The following SERHL2 variants were observed in gnomAD, a reference collection of about 807,000 sequenced individuals.
SERHL2 encodes the protein serine hydrolase-like protein 2.
SERHL2 carries 29 observed loss-of-function variants against 25.5 expected under a neutral mutation model. That is an observed-to-expected ratio of 1.14 (90% CI 0.85 to 1.55). The LOEUF is 1.55. SERHL2 is among the 40% of genes most tolerant of loss of function. The pLI, the probability that SERHL2 is intolerant of heterozygous loss-of-function variation, is 0.00. For missense variants in SERHL2, 240 were observed against 252.3 expected, an observed-to-expected ratio of 0.95 and a Z score of 0.33; for synonymous variants, 95 against 103.5, an observed-to-expected ratio of 0.92 and a Z score of 0.50.
At position 42,573,780 on chromosome 22, in the gene SERHL2, G is replaced by T. The variant is rs1299054889; in HGVS notation, c.826-156G>T. 4.0e-6 allele frequency: 3 copies of T among 757,196 alleles called. No homozygotes were observed. The African/African-American group carries it at 5.3e-5, about 13-fold the overall frequency. 46.9% of individuals were successfully genotyped at this position (757,196 alleles called of 1,614,324 possible). On this transcript the variant is annotated intron_variant, in intron 11 of 11. Transcript: ENST00000327678. ...CTCCTGGGGTGCTATGGACTGTCGG[G>T]GCTCCAAGGAGCCGAGTGTGGGGGA...
At chr22:42,570,733 C>T (rs1356716432) in intron 9 of SERHL2, among the ~76,000 whole-genome samples, 3 of 152,232 alleles carry the variant, frequency 2.0e-5, no homozygotes, top group African/African-American at 7.2e-5. Context: ...CAGGGGACAG[C>T]GTGAGGTGCA....
chr22:42,569,197 A>G (rs1356152924), intron 9 of SERHL2: 1 of 151,592 alleles, frequency 6.6e-6, no homozygotes. Context: ...GGCCACGCTA[A>G]TCATCTCTTT....
chr22:42,562,449 T>G (rs1271793583), intron 8 of SERHL2, among the ~76,000 whole-genome samples: 1 of 151,656 alleles, frequency 6.6e-6, no homozygotes, highest in Non-Finnish European at 1.5e-5. Context: ...TGTTCCCACC[T>G]CTCTGGCTGC....
intron 11 of SERHL2, 80 bp downstream of exon 11, chr22:42,572,609 T>G (rs1924387264): frequency 5.1e-6 from 8 of 1,558,188 alleles, no homozygotes; most frequent in South Asian, 3.5e-5. Flanking sequence ...TCTCATGCAC[T>G]GGGAAGACCC....
rs373981522 is a variant in SERHL2 at position 42,572,423 on chromosome 22, C to A, written c.732-13C>A. On this transcript the variant is annotated splice_polypyrimidine_tract_variant and intron_variant, in intron 10 of 11. Coordinates refer to ENST00000327678, the MANE Select transcript of SERHL2 (RefSeq NM_014509.5). The stretch of plus-strand genomic sequence containing the variant: ...AGATGAACCCCAACAACCCCCAACT[C>A]CTCACTTTCCAGAGCAGTCCACGGA... 2.8e-5 allele frequency: 44 copies of A among 1,598,646 alleles called. No individual in the cohort carries two copies. In the African/African-American group the frequency reaches 5.1e-4, roughly 18 times the overall value.
intron 11 of SERHL2, 189 bp downstream of exon 11, chr22:42,572,718 GAA>G (rs1924406107): frequency 1.0e-6 from 1 of 984,778 alleles, no homozygotes; most frequent in Non-Finnish European, 1.2e-6. Flanking sequence ...CATGTAATCA[GAA>G]TTAAGGAAAC....
rs1569285930 is a variant in SERHL2 at position 42,572,659 on chromosome 22, T to C, written c.825+130T>C. 6.3e-6 allele frequency: 9 copies of C among 1,436,884 alleles called. No homozygotes were observed. The East Asian group carries it at 1.3e-4, about 20-fold the overall frequency. 89.0% of individuals were successfully genotyped at this position (1,436,884 alleles called of 1,614,324 possible). A position where few individuals can be genotyped will look rare whatever the true frequency, so the allele number is the denominator to read the frequency against. On this transcript the variant is annotated intron_variant, in intron 11 of 11. Transcript: ENST00000327678. ...GGCCCAACAAGTGACCACCAGGATCTATCAGGCCTCATGCTCCACTGTGGT... is the reference window on the plus strand; with the variant it reads ...GGCCCAACAAGTGACCACCAGGATCCATCAGGCCTCATGCTCCACTGTGGT...
intron 7 of SERHL2, among the ~76,000 whole-genome samples, chr22:42,559,772 G>C (rs1458745227): frequency 2.0e-5 from 3 of 151,794 alleles, no homozygotes; most frequent in African/African-American, 7.2e-5. Flanking sequence ...CTTTGTGGGT[G>C]ACCTCCCTTT....
At chr22:42,568,810 A>G (rs1923759480) in intron 9 of SERHL2, among the ~76,000 whole-genome samples, 1 of 151,966 alleles carries the variant, frequency 6.6e-6, no homozygotes, top group Admixed American at 6.5e-5. Flanking sequence ...ACCAAAAAAT[A>G]CAAAAATTAG....
intron 5 of SERHL2, 123 bp from the exon 6 acceptor site, chr22:42,556,391 C>T: frequency 1.3e-6 from 1 of 792,502 alleles, no homozygotes; most frequent in Admixed American, 3.0e-5. Flanking sequence ...CCTCTGGCCT[C>T]TTGGTCAGCA....
In SERHL2 at chr22:42,565,103, G is replaced by C. The variant is rs1181179253; in HGVS notation, c.614-1201G>C. 1.3e-5 allele frequency: 2 copies of C among 152,698 alleles called. 1 individual carries two copies. Among genetic ancestry groups the C allele is most frequent in the African/African-American group, 4.8e-5 (2 of 41,442 alleles). 9.5% of individuals were successfully genotyped at this position (152,698 alleles called of 1,614,324 possible). On this transcript the variant is annotated intron_variant, in intron 8 of 11. Coordinates refer to ENST00000327678, the MANE Select transcript of SERHL2 (RefSeq NM_014509.5). ...TCCTACAAATGGACCTTGAGAGCTT[G>C]TTTGGAGGTTCTAGCAGGGGAGCGC...
intron 7 of SERHL2, among the ~76,000 whole-genome samples, chr22:42,559,755 A>G (rs1255581093): frequency 7.9e-5 from 12 of 151,774 alleles, no homozygotes. Flanking sequence ...CACGAGACAC[A>G]TGCACGCTTT....
At chr22:42,569,946 G>A (rs558575910) in intron 9 of SERHL2, 1 of 151,816 alleles carries the variant, frequency 6.6e-6, no homozygotes, top group South Asian at 2.1e-4. Flanking sequence ...CCTTACGGGA[G>A]CTTCCCGGAA....
chr22:42,554,185 A>T, intron 1 of SERHL2, 143 bp downstream of exon 1: 1 of 1,051,554 alleles, frequency 9.5e-7, no homozygotes. Flanking sequence ...GTCCCGGGGC[A>T]TGAGAGCGCG....
rs750855750 is a variant in SERHL2 at position 42,563,436 on chromosome 22, T to A, written c.614-2868T>A. 9.0e-5 allele frequency: 40 copies of A among 442,882 alleles called. No individual in the cohort carries two copies. The East Asian group carries it at 1.1e-3, about 12-fold the overall frequency. 27.4% of individuals were successfully genotyped at this position (442,882 alleles called of 1,614,324 possible). On this transcript the variant is annotated intron_variant, in intron 8 of 11. Transcript: ENST00000327678. ...CCAGGCTGGTCTCGAACTCCTGAAC[T>A]CAAGCGATCCTACTGACTCGACCTC...
At chr22:42,559,425 G>A (rs1416534235) in intron 7 of SERHL2, among the ~76,000 whole-genome samples, 14 of 151,398 alleles carry the variant, frequency 9.2e-5, no homozygotes, top group Non-Finnish European at 7.4e-5. Flanking sequence ...ACAAGGTCCA[G>A]GCACGGTGGC....
Position 42,574,257 on chromosome 22 carries a change from C to G in SERHL2, c.*202C>G, listed in dbSNP as rs9590. 232,720 of 585,254 alleles carry G rather than the reference C, an allele frequency of 0.4. 53,248 individuals are homozygous for G. The highest frequency in any genetic ancestry group is 0.75 in the African/African-American group (38,849 of 51,940). 36.3% of individuals were successfully genotyped at this position (585,254 alleles called of 1,614,324 possible). A position where few individuals can be genotyped will look rare whatever the true frequency, so the allele number is the denominator to read the frequency against. On this transcript the variant is annotated 3_prime_UTR_variant, in exon 12 of 12. Transcript: ENST00000327678. ...CAAGGGGGAGACAGAGTCTGGGTTC[C>G]AGGGCTGCTTTCTCCTGGCTAATAA...
intron 9 of SERHL2, among the ~76,000 whole-genome samples, chr22:42,568,346 A>ACAGCTAGTTCTTC (rs137042): frequency 7.0e-6 from 1 of 141,866 alleles, no homozygotes; most frequent in Non-Finnish European, 1.5e-5. Context: ...TTCTAGATGA[A>ACAGCTAGTTCTTC]CAATACCAGC....
intron 8 of SERHL2, among the ~76,000 whole-genome samples, chr22:42,563,135 T>A (rs137029): frequency 6.6e-6 from 1 of 151,670 alleles, no homozygotes; most frequent in South Asian, 2.1e-4. Flanking sequence ...GGAGGCTGCA[T>A]TGAACCTTGA....
Sources: gnomAD v4.1 joint callset for allele counts (sites outside exome capture counted in the v4.1 genomes callset) on GRCh38, gnomAD v4.1.1 for gene constraint, MANE v1.5 for transcripts, NCBI Gene and HGNC (gene_info 2026-07-23, HGNC 2026-07-21) for gene names.